The following UST variants were observed in gnomAD, a reference collection of about 807,000 sequenced individuals.
The protein encoded by UST is chondroitin sulfate 2-O-sulfotransferase.
Under a neutral mutation model 45.6 loss-of-function variants are expected in UST, and 21 were observed. The observed-to-expected ratio is 0.46, with a 90% CI of 0.33 to 0.66. The LOEUF (loss-of-function observed/expected upper bound fraction) is 0.66. Ranked by LOEUF, UST falls within the 30% of genes least tolerant of loss-of-function variation. The pLI, the probability that UST is intolerant of heterozygous loss-of-function variation, is 0.02. For synonymous variants in UST, 215 were observed against 200.6 expected, an observed-to-expected ratio of 1.07 and a Z score of -0.61; for missense variants, 463 against 512.4, an observed-to-expected ratio of 0.90 and a Z score of 0.93.
intron 1 of UST, among the ~76,000 whole-genome samples, chr6:148,855,031 A>T (rs908945087): frequency 1.3e-5 from 2 of 152,144 alleles, no homozygotes; most frequent in Non-Finnish European, 2.9e-5. Flanking sequence ...TCTTAAGTGG[A>T]TGCCAGCAAG....
intron 7 of UST, among the ~76,000 whole-genome samples, chr6:149,062,951 G>A (rs1456489278): frequency 6.6e-6 from 1 of 152,212 alleles, no homozygotes; most frequent in Non-Finnish European, 1.5e-5. Flanking sequence ...CACTGTTCGG[G>A]CTACTATTTG....
intron 2 of UST, among the ~76,000 whole-genome samples, chr6:148,890,638 G>A (rs1778999849): frequency 6.6e-6 from 1 of 152,100 alleles, no homozygotes; most frequent in Admixed American, 6.6e-5. Flanking sequence ...AATGGGGTGT[G>A]CCACACAACA....
chr6:149,035,539 G>C (rs1397806886), intron 7 of UST, among the ~76,000 whole-genome samples: 1 of 152,034 alleles, frequency 6.6e-6, no homozygotes. Flanking sequence ...TGGATCTCTT[G>C]AGCTCAGGAG....
chr6:148,814,966 A>G (rs1777328593), intron 1 of UST, among the ~76,000 whole-genome samples: 1 of 152,238 alleles, frequency 6.6e-6, no homozygotes, highest in Non-Finnish European at 1.5e-5. Context: ...GTGTGTGCAT[A>G]TGTGAATGAT....
intron 1 of UST, among the ~76,000 whole-genome samples, chr6:148,786,758 A>G (rs898538484): frequency 1.3e-5 from 2 of 152,212 alleles, no homozygotes. Context: ...GTGTCCAGTA[A>G]TACGATTGCT....
At chr6:148,953,771 C>CA (rs58266916) in intron 3 of UST, 101 bp from the exon 4 acceptor site, 21,502 of 265,892 alleles carry the variant, frequency 0.081, 70 homozygotes, top group Middle Eastern at 0.093. Context: ...GACTCCATCT[C>CA]AAAAAAAAAA....
chr6:148,851,151 T>C (rs905591996), intron 1 of UST, among the ~76,000 whole-genome samples: 6 of 152,146 alleles, frequency 3.9e-5, no homozygotes, highest in Non-Finnish European at 8.8e-5. Flanking sequence ...TCGCTCCTGC[T>C]CCTGGACATT....
intron 1 of UST, among the ~76,000 whole-genome samples, chr6:148,796,662 A>G (rs1316839621): frequency 7.0e-6 from 1 of 143,542 alleles, no homozygotes; most frequent in Non-Finnish European, 1.5e-5. Flanking sequence ...TGGAAGGGAG[A>G]GAGTGAAGCA....
At chr6:148,920,788 C>T (rs998466718) in intron 2 of UST, among the ~76,000 whole-genome samples, 1 of 152,162 alleles carries the variant, frequency 6.6e-6, no homozygotes, top group African/African-American at 2.4e-5. Context: ...TCTCTACCTC[C>T]CAGTGCTTTT....
intron 1 of UST, among the ~76,000 whole-genome samples, chr6:148,804,394 G>T (rs924357795): frequency 1.3e-5 from 2 of 152,156 alleles, no homozygotes; most frequent in African/African-American, 2.4e-5. Context: ...TGTGTGTGAG[G>T]GGGGGTCATG....
intron 7 of UST, among the ~76,000 whole-genome samples, chr6:149,025,674 T>G (rs1189522228): frequency 6.6e-6 from 1 of 152,188 alleles, no homozygotes; most frequent in Non-Finnish European, 1.5e-5. Flanking sequence ...TTTTTATTGA[T>G]TAATCCTTAT....
intron 1 of UST, among the ~76,000 whole-genome samples, chr6:148,861,225 G>A (rs1434076315): frequency 6.6e-6 from 1 of 152,124 alleles, no homozygotes; most frequent in South Asian, 2.1e-4. Flanking sequence ...TTAGTCTTGG[G>A]GAGGGTGTAT....
intron 5 of UST, among the ~76,000 whole-genome samples, chr6:148,979,941 G>A (rs6936508): frequency 0.31 from 47,475 of 151,982 alleles, 7,988 homozygotes; most frequent in Non-Finnish European, 0.38. Context: ...ACTTTTATGT[G>A]CAAAGCCCAG....
chr6:148,770,327 A>T (rs541925481), intron 1 of UST, among the ~76,000 whole-genome samples: 1 of 150,212 alleles, frequency 6.7e-6, no homozygotes, highest in East Asian at 1.9e-4. Context: ...AAGATGTGGG[A>T]AAAGGGCATT....
chr6:149,000,866 G>A (rs2486395), intron 5 of UST, among the ~76,000 whole-genome samples: 140,121 of 152,238 alleles, frequency 0.92, 64,873 homozygotes, highest in Non-Finnish European at 0.95. Context: ...AATATTAATT[G>A]ATTTAGAAAA....
At chr6:148,973,647 T>C (rs1252714813) in intron 5 of UST, among the ~76,000 whole-genome samples, 1 of 152,248 alleles carries the variant, frequency 6.6e-6, no homozygotes, top group East Asian at 1.9e-4. Context: ...CCCACACTTA[T>C]TTTTGCAGAA....
intron 2 of UST, among the ~76,000 whole-genome samples, chr6:148,895,693 G>A (rs1779114247): frequency 6.6e-6 from 1 of 152,208 alleles, no homozygotes; most frequent in South Asian, 2.1e-4. Flanking sequence ...AGGGGAAACT[G>A]CTTTCACTGA....
chr6:148,961,147 G>A (rs1455549953), intron 4 of UST, among the ~76,000 whole-genome samples: 1 of 152,126 alleles, frequency 6.6e-6, no homozygotes, highest in Non-Finnish European at 1.5e-5. Context: ...TAAAAAATAC[G>A]ACACAGTGGC....
chr6:148,903,901 G>A (rs527688118), intron 2 of UST, among the ~76,000 whole-genome samples: 4 of 152,330 alleles, frequency 2.6e-5, no homozygotes, highest in Admixed American at 6.5e-5. Context: ...AGTGTCTTGT[G>A]CAAGCCATGA....
Sources: allele counts gnomAD v4.1 joint callset (sites outside exome capture counted in the v4.1 genomes callset), GRCh38; gene constraint gnomAD v4.1.1; transcripts MANE v1.5; gene names NCBI Gene and HGNC (gene_info 2026-07-23, HGNC 2026-07-21).